PRKCI: variants seen among roughly 807,000 people sequenced by gnomAD.
PRKCI encodes the protein protein kinase C iota.
In PRKCI, 43 loss-of-function variants were observed where a neutral mutation model predicts 84.0. The observed-to-expected ratio is 0.51, with a 90% CI of 0.40 to 0.66. The LOEUF is 0.66. Among genes scored for constraint, PRKCI ranks in the 30% least tolerant of loss-of-function variants. The probability of loss-of-function intolerance (pLI) is 0.00; values close to 1 mark genes in which losing one functional copy is unlikely to be tolerated. For missense variants in PRKCI, 459 were observed against 745.6 expected (o/e 0.62, Z 4.48); for synonymous variants, 216 against 234.4 (o/e 0.92, Z 0.72).
At chr3:170,289,827 G>C (rs570705857) in intron 12 of PRKCI, among the ~76,000 whole-genome samples, 1 of 151,550 alleles carries the variant, frequency 6.6e-6, no homozygotes, top group Non-Finnish European at 1.5e-5. Flanking sequence ...CAGGAGAATC[G>C]CTTGAACCTG....
intron 10 of PRKCI, 101 bp from the exon 11 acceptor site, chr3:170,281,781 A>G (rs1734257391): frequency 6.9e-7 from 1 of 1,442,118 alleles, no homozygotes; most frequent in Non-Finnish European, 9.1e-7. Context: ...TTTAAAGGCT[A>G]AATAGTAGAG....
rs1734623865 is a variant in PRKCI, at chr3:170,293,652, G to T, written c.1417+144G>T. 3.6e-5 allele frequency: 38 copies of T among 1,048,434 alleles called. 1 individual carries two copies. The South Asian group carries it at 7.2e-4, about 20-fold the overall frequency. The allele number at this position is 1,048,434 out of a possible 1,614,324, so 64.9% of individuals were successfully genotyped here. On this transcript the variant is annotated intron_variant, in intron 14 of 17. Transcript: ENST00000295797. ...CTGACTGGTGGTATTAGGTTTTGTT[G>T]TTGTTTTTGTTTGTTTTTGAGACAA... is the stretch of plus-strand genomic sequence containing the variant.
intron 12 of PRKCI, among the ~76,000 whole-genome samples, chr3:170,285,153 C>T (rs533104748): frequency 1.1e-4 from 17 of 149,688 alleles, no homozygotes; most frequent in African/African-American, 4.0e-4. Flanking sequence ...AATCTCGGCT[C>T]AGTGCCAGCT....
intron 12 of PRKCI, 39 bp downstream of exon 12, chr3:170,284,635 C>T: frequency 6.4e-7 from 1 of 1,571,964 alleles, no homozygotes; most frequent in Non-Finnish European, 8.6e-7. Context: ...AGGTCTTCAG[C>T]AGCTAGTAGT....
At chr3:170,295,081 G>A (rs796576175) in intron 14 of PRKCI, among the ~76,000 whole-genome samples, 3 of 151,212 alleles carry the variant, frequency 2.0e-5, no homozygotes, top group African/African-American at 4.9e-5. Context: ...GCGTCGTGGC[G>A]GGCACCTGTA....
chr3:170,259,985 A>G lies in PRKCI; in HGVS notation c.240A>G (p.Val80=). The change falls in exon 3 of 18, where the codon GTA becomes GTG. Residue 80 remains valine (V), a synonymous_variant. Coordinates refer to ENST00000295797, the MANE Select transcript of PRKCI (RefSeq NM_002740.6). ...WIDEEGDPCT[V]SSQLELEEAF... ...GTTTTTTAGGAGACCCGTGTACAGT[A>G]TCATCTCAGTTGGAGTTAGAAGAAG... The G allele has an allele frequency of 6.2e-7, 1 of 1,612,678 alleles. No homozygotes were observed. The highest frequency in any genetic ancestry group is 1.1e-5 in the South Asian group (1 of 90,910).
intron 8 of PRKCI, among the ~76,000 whole-genome samples, chr3:170,279,088 C>T (rs1349553452): frequency 6.6e-6 from 1 of 152,190 alleles, no homozygotes; most frequent in African/African-American, 2.4e-5. Flanking sequence ...AGCGCACTGG[C>T]ACAATCACAG....
chr3:170,231,952 G>A (rs760000951), intron 1 of PRKCI, among the ~76,000 whole-genome samples: 1 of 152,128 alleles, frequency 6.6e-6, no homozygotes, highest in Non-Finnish European at 1.5e-5. Context: ...CTGTAATTGT[G>A]CCACTGCACT....
chr3:170,244,112 A>T (rs1044178085), intron 2 of PRKCI, among the ~76,000 whole-genome samples: 2 of 152,180 alleles, frequency 1.3e-5, no homozygotes, highest in African/African-American at 4.8e-5. Flanking sequence ...TTCCCATGAG[A>T]TCCTGAGTAA....
chr3:170,263,232 T>C lies in PRKCI; in HGVS notation c.314-147T>C, dbSNP rs576287794. ...AAATGAATCCCTTTGGCAAATAATA[T>C]TGATCACATGCTAAGTATCTTGTCT... On this transcript the variant is annotated intron_variant, in intron 3 of 17. Transcript: ENST00000295797. 24 of 596,000 alleles carry C rather than the reference T, an allele frequency of 4.0e-5. No homozygotes were observed. In the Admixed American group the frequency reaches 4.2e-4, roughly 11 times the overall value. 36.9% of individuals were successfully genotyped at this position (596,000 alleles called of 1,614,324 possible).
At chr3:170,235,186 T>A (rs759821509) in intron 1 of PRKCI, 44 bp from the exon 2 acceptor site, 4 of 1,584,364 alleles carry the variant, frequency 2.5e-6, no homozygotes, top group Non-Finnish European at 2.6e-6. Context: ...ACAGCATTAT[T>A]ATTTTTAATC....
chr3:170,254,364 C>T (rs1446870427), intron 2 of PRKCI, among the ~76,000 whole-genome samples: 1 of 152,146 alleles, frequency 6.6e-6, no homozygotes, highest in Non-Finnish European at 1.5e-5. Flanking sequence ...GGGTGCTACT[C>T]AAGAATTACT....
At chr3:170,268,999 G>T (rs966277287) in intron 5 of PRKCI, among the ~76,000 whole-genome samples, 1 of 151,966 alleles carries the variant, frequency 6.6e-6, no homozygotes, top group African/African-American at 2.4e-5. Flanking sequence ...ACTGCAACCT[G>T]CATCTCTTGG....
In PRKCI at chr3:170,235,267, T is replaced by C; in HGVS notation, c.139T>C (p.Phe47Leu). The C allele has an allele frequency of 6.2e-7, 1 of 1,614,006 alleles. No homozygotes were observed. The highest frequency in any genetic ancestry group is 1.6e-4 in the Middle Eastern group (1 of 6,062). Residue 47 changes from phenylalanine (F) to leucine (L), a missense_variant, in exon 2 of 18, where the codon TTT (phenylalanine) becomes CTT (leucine). Physicochemically the swap from Phe to Leu is conservative, Grantham distance 22. Around this residue, in one of 2 missense-constraint regions of PRKCI, gnomAD observed 250 missense variants for 319.7 expected, o/e 0.78. Coordinates refer to ENST00000295797, the MANE Select transcript of PRKCI (RefSeq NM_002740.6). ...AACACATTTTGAACCTTCCATCTCC[T>C]TTGAGGGCCTTTGCAATGAGGTTCG... ...MITHFEPSISFEGLCNEVRDM... is the reference protein window; with the variant it reads ...MITHFEPSISLEGLCNEVRDM...
intron 3 of PRKCI, among the ~76,000 whole-genome samples, chr3:170,261,762 G>A (rs1042713684): frequency 5.3e-5 from 8 of 152,184 alleles, no homozygotes; most frequent in Non-Finnish European, 7.3e-5. Context: ...GGGATTACAG[G>A]CGTCAGCCAC....
intron 11 of PRKCI, among the ~76,000 whole-genome samples, chr3:170,283,298 T>C (rs1734297035): frequency 6.6e-6 from 1 of 152,214 alleles, no homozygotes; most frequent in South Asian, 2.1e-4. Context: ...CACCCTTTCC[T>C]ACTTCACAAG....
chr3:170,302,313 G>A (rs1734841883), intron 17 of PRKCI, among the ~76,000 whole-genome samples: 1 of 152,138 alleles, frequency 6.6e-6, no homozygotes, highest in Non-Finnish European at 1.5e-5. Context: ...CCAACTAGAA[G>A]TCACACCTTT....
At chr3:170,302,233 AC>A (rs1734840409) in intron 17 of PRKCI, among the ~76,000 whole-genome samples, 1 of 152,192 alleles carries the variant, frequency 6.6e-6, no homozygotes, top group South Asian at 2.1e-4. Flanking sequence ...ATTTCCCAAG[AC>A]CTACCACAGT....
intron 13 of PRKCI, 69 bp downstream of exon 13, chr3:170,292,010 AT>A (rs1447969679): frequency 9.6e-7 from 1 of 1,046,440 alleles, no homozygotes; most frequent in Non-Finnish European, 1.5e-6. Flanking sequence ...TACCAATTGC[AT>A]TACAGTACAC....
Sources: allele counts gnomAD v4.1 joint callset (sites outside exome capture counted in the v4.1 genomes callset), GRCh38; gene constraint gnomAD v4.1.1; regional missense constraint gnomAD v4.1.1; transcripts MANE v1.5; gene names NCBI Gene and HGNC (gene_info 2026-07-23, HGNC 2026-07-21).